Variants in COL6A2 observed in about 807,000 individuals in gnomAD.
COL6A2 encodes the protein collagen alpha-2(VI) chain.
In COL6A2, 90 loss-of-function variants were observed where a neutral mutation model predicts 124.9. The observed-to-expected ratio is 0.72, with a 90% CI of 0.61 to 0.86. The LOEUF is 0.86. Among genes scored for constraint, COL6A2 ranks in the 40% least tolerant of loss-of-function variants. The pLI, the probability that COL6A2 is intolerant of heterozygous loss-of-function variation, is 0.00. For missense variants in COL6A2, 1,607 were observed against 1,502.5 expected (o/e 1.07, Z -1.15); for synonymous variants, 793 against 618.2 (o/e 1.28, Z -4.19).
At chr21:46,125,200 G>C (rs2078641547) in intron 23 of COL6A2, 66 bp from the exon 24 acceptor site, 1 of 1,483,646 alleles carries the variant, frequency 6.7e-7, no homozygotes, top group Middle Eastern at 1.7e-4. Flanking sequence ...CCCCAGGCCA[G>C]GACCTTGCTG....
At chr21:46,122,058 G>A (rs752718027) in intron 18 of COL6A2, 50 bp from the exon 19 acceptor site, 1 of 1,596,930 alleles carries the variant, frequency 6.3e-7, no homozygotes, top group African/African-American at 1.3e-5. Flanking sequence ...CAGCCCCCCA[G>A]CCCCACCCCG....
intron 26 of COL6A2, 90 bp from the exon 27 acceptor site, chr21:46,126,413 C>T: frequency 1.3e-6 from 2 of 1,577,030 alleles, no homozygotes; most frequent in South Asian, 2.2e-5. Flanking sequence ...CAGCTGCACC[C>T]TGAGCCTGTC....
intron 20 of COL6A2, 117 bp from the exon 21 acceptor site, chr21:46,122,758 T>C: frequency 8.9e-7 from 1 of 1,121,694 alleles, no homozygotes; most frequent in Non-Finnish European, 1.3e-6. Context: ...ACCACATAGA[T>C]GCTCCCGTTT....
chr21:46,108,713 T>G (rs2078362129), intron 1 of COL6A2, among the ~76,000 whole-genome samples: 1 of 152,216 alleles, frequency 6.6e-6, no homozygotes, highest in Non-Finnish European at 1.5e-5. Flanking sequence ...ACACTGTACT[T>G]TAACTTCATA....
chr21:46,128,939 C>G (rs115833459), intron 27 of COL6A2: 2 of 1,611,796 alleles, frequency 1.2e-6, no homozygotes, highest in South Asian at 1.1e-5. Context: ...AAGGTTTTCT[C>G]GGGGTCCGTG....
In COL6A2 at chr21:46,112,275, C is replaced by T; in HGVS notation, c.412C>T (p.Leu138=). 1 of 1,612,734 alleles carries T rather than the reference C, an allele frequency of 6.2e-7. No individual in the cohort carries two copies. Among genetic ancestry groups the T allele is most frequent in the Non-Finnish European group, 8.5e-7 (1 of 1,179,976 alleles). The stretch of plus-strand genomic sequence containing the variant: ...CCGCGGCACCTTCACCGACTGCGCG[C>T]TGGCCAACATGACGGAGCAGATCCG... The part of the protein sequence containing the change: ...FRRGTFTDCA[L]ANMTEQIRQD... Residue 138 remains leucine (L), a synonymous_variant, in exon 3 of 28, where the codon CTG becomes TTG. Transcript: ENST00000300527.
rs368076469 is a variant in COL6A2 at position 46,126,023 on chromosome 21, C to T, written c.2208C>T (p.Asp736=). 8.7e-6 allele frequency: 14 copies of T among 1,612,924 alleles called. No individual in the cohort carries two copies. The highest frequency in any genetic ancestry group is 1.2e-5 in the Non-Finnish European group (14 of 1,179,920). The change falls in exon 26 of 28, where the codon GAC becomes GAT. Residue 736 remains aspartate (D), a synonymous_variant. Coordinates refer to ENST00000300527, the MANE Select transcript of COL6A2 (RefSeq NM_001849.4). ...TGGTCATCACGGACGGGCGCCACGA[C>T]CCTCGGGACGATGACCTCAACTTGC... is the stretch of plus-strand genomic sequence containing the variant. ...FAVVITDGRH[D]PRDDDLNLRA...
chr21:46,118,402 T>C (rs1182315666), intron 12 of COL6A2, among the ~76,000 whole-genome samples: 1 of 152,194 alleles, frequency 6.6e-6, no homozygotes, highest in Non-Finnish European at 1.5e-5. Flanking sequence ...TCTGAGCAGA[T>C]GCACAGGCGT....
intron 1 of COL6A2, among the ~76,000 whole-genome samples, chr21:46,099,897 T>G (rs996275616): frequency 1.0e-4 from 15 of 146,390 alleles, no homozygotes; most frequent in African/African-American, 2.5e-4. Context: ...GTCTTTTTTT[T>G]TTTTTTTTTT....
chr21:46,117,385 C>T lies in COL6A2; in HGVS notation c.1000-15C>T, dbSNP rs902044548. 7 of 1,612,398 alleles carry T rather than the reference C, an allele frequency of 4.3e-6. No homozygotes were observed. The highest frequency in any genetic ancestry group is 5.1e-6 in the Non-Finnish European group (6 of 1,179,710). ...AACCCCGCCCTGAGACTCCTCCTGC[C>T]CCCTTCTCCTTCAGGGCAAGCTGGG... On this transcript the variant is annotated splice_polypyrimidine_tract_variant and intron_variant, in intron 10 of 27. Coordinates refer to ENST00000300527, the MANE Select transcript of COL6A2 (RefSeq NM_001849.4).
At chr21:46,106,102 T>C (rs2078333002) in intron 1 of COL6A2, among the ~76,000 whole-genome samples, 1 of 152,092 alleles carries the variant, frequency 6.6e-6, no homozygotes, top group Non-Finnish European at 1.5e-5. Context: ...CCAGACAAGA[T>C]AGGCTTTAAA....
At chr21:46,118,394 T>G (rs917891622) in intron 12 of COL6A2, among the ~76,000 whole-genome samples, 3 of 152,192 alleles carry the variant, frequency 2.0e-5, no homozygotes, top group African/African-American at 7.2e-5. Context: ...CTGAGTCCTC[T>G]GAGCAGATGC....
intron 18 of COL6A2, 30 bp downstream of exon 18, chr21:46,121,648 TA>T (rs781029542): frequency 1.9e-6 from 3 of 1,610,278 alleles, no homozygotes; most frequent in East Asian, 2.2e-5. Context: ...CAGGACGTAT[TA>T]GGGGTTCGGG....
intron 4 of COL6A2, among the ~76,000 whole-genome samples, chr21:46,113,455 C>T (rs766048183): frequency 3.3e-5 from 5 of 151,762 alleles, no homozygotes; most frequent in Non-Finnish European, 5.9e-5. Context: ...CGGCTCACTG[C>T]AGCCTTGAAC....
chr21:46,112,088 G>T lies in COL6A2; in HGVS notation c.225G>T (p.Pro75=), dbSNP rs143678454. The change falls in exon 3 of 28, where the codon CCG becomes CCT. Residue 75 remains proline, a synonymous_variant. Transcript: ENST00000300527. ...ILLFHMKQFV[P]QFISQLQNEF... is the part of the protein sequence containing the mutation. ...TCTTCCACATGAAGCAGTTCGTGCC[G>T]CAGTTCATCAGCCAGCTGCAGAACG... is the stretch of plus-strand genomic sequence containing the variant. 110 of 1,613,190 alleles carry T rather than the reference G, an allele frequency of 6.8e-5. No individual in the cohort carries two copies. In the African/African-American group the frequency reaches 8.7e-4, roughly 13 times the overall value.
intron 27 of COL6A2, 76 bp downstream of exon 27, chr21:46,126,617 C>G: frequency 1.3e-6 from 2 of 1,570,938 alleles, no homozygotes; most frequent in Non-Finnish European, 8.7e-7. Context: ...GAGGGCCGGG[C>G]TGGGGGAGGG....
At chr21:46,128,166 G>A (rs1436508655) in intron 27 of COL6A2, among the ~76,000 whole-genome samples, 1 of 152,176 alleles carries the variant, frequency 6.6e-6, no homozygotes, top group Non-Finnish European at 1.5e-5. Flanking sequence ...GGTCACTCAG[G>A]CCACCAGAGC....
intron 1 of COL6A2, among the ~76,000 whole-genome samples, chr21:46,107,015 G>A (rs999708122): frequency 6.6e-6 from 1 of 152,178 alleles, no homozygotes; most frequent in Middle Eastern, 3.4e-3. Flanking sequence ...TTAAGATAGT[G>A]GGATGATTTC....
chr21:46,116,180 C>A lies in COL6A2; in HGVS notation c.900+127C>A. On this transcript the variant is annotated intron_variant, in intron 7 of 27. Transcript: ENST00000300527. This position sits in a 1 kb window ranked among gnomAD's most constrained non-coding sequence, Gnocchi z 4.6. ...CCCCAGTTACCAAGGAACAGAAGCA[C>A]CTCGATAACTTGATGGCCGTCCCAA... 2.5e-6 allele frequency: 3 copies of A among 1,185,804 alleles called. No individual in the cohort carries two copies. The highest frequency in any genetic ancestry group is 4.0e-5 in the Admixed American group (2 of 50,472). 73.5% of individuals were successfully genotyped at this position (1,185,804 alleles called of 1,614,324 possible).
Sources: gnomAD v4.1 joint callset for allele counts (sites outside exome capture counted in the v4.1 genomes callset) on GRCh38, gnomAD v4.1.1 for gene constraint, Gnocchi (gnomAD v3.1) non-coding constraint, MANE v1.5 for transcripts, NCBI Gene and HGNC (gene_info 2026-07-23, HGNC 2026-07-21) for gene names.